The following CACNA1D variants were observed in gnomAD, a reference collection of about 807,000 sequenced individuals.
The protein encoded by CACNA1D is calcium voltage-gated channel subunit alpha1 D, also known as voltage-dependent L-type calcium channel subunit alpha-1D.
CACNA1D carries 55 observed loss-of-function variants against 257.1 expected under a neutral mutation model. That is an observed-to-expected ratio of 0.21 (90% CI 0.17 to 0.27). CACNA1D has a LOEUF of 0.27. Among genes scored for constraint, CACNA1D ranks in the 10% least tolerant of loss-of-function variants. The pLI is 1.00. For missense variants in CACNA1D, 1,876 were observed against 2,784.0 expected, an observed-to-expected ratio of 0.67 and a Z score of 7.34; for synonymous variants, 980 against 1,014.9, an observed-to-expected ratio of 0.97 and a Z score of 0.65.
intron 39 of CACNA1D, chr3:53,785,622 G>T (rs1248119089): frequency 2.0e-5 from 3 of 152,208 alleles, no homozygotes. Context: ...TAAAATAAGG[G>T]TGACTCTGAG....
At chr3:53,675,622 G>C (rs2094367919) in intron 8 of CACNA1D, among the ~76,000 whole-genome samples, 2 of 152,138 alleles carry the variant, frequency 1.3e-5, no homozygotes, top group African/African-American at 4.8e-5. Flanking sequence ...AGATGGGCGG[G>C]GGGGCTTCCC....
intron 32 of CACNA1D, among the ~76,000 whole-genome samples, chr3:53,771,023 TG>T (rs2095363436): frequency 6.6e-6 from 1 of 152,216 alleles, no homozygotes; most frequent in South Asian, 2.1e-4. Context: ...ATCCTGCACC[TG>T]GAAGGGTCAC....
chr3:53,497,567 G>A (rs1272815903), intron 2 of CACNA1D, 106 bp downstream of exon 2: 7 of 1,177,528 alleles, frequency 5.9e-6, no homozygotes, highest in African/African-American at 1.5e-5. Flanking sequence ...TCTGGAATGC[G>A]AGTAACAGAA....
chr3:53,569,258 G>A (rs1237073339), intron 3 of CACNA1D, among the ~76,000 whole-genome samples: 1 of 152,140 alleles, frequency 6.6e-6, no homozygotes, highest in African/African-American at 2.4e-5. Context: ...CTCCAGTTGA[G>A]GCCTCCCTTC....
At chr3:53,759,762 A>G (rs2095289812) in intron 29 of CACNA1D, among the ~76,000 whole-genome samples, 1 of 152,212 alleles carries the variant, frequency 6.6e-6, no homozygotes, top group Admixed American at 6.5e-5. Flanking sequence ...CACTAAGCAC[A>G]TTGATTCAGC....
At chr3:53,802,283 G>T in intron 43 of CACNA1D, 110 bp downstream of exon 43, 1 of 945,280 alleles carries the variant, frequency 1.1e-6, no homozygotes, top group Non-Finnish European at 1.8e-6. Flanking sequence ...GCCTATTAAA[G>T]GTTATCATAA....
At chr3:53,597,178 T>C (rs1036380135) in intron 3 of CACNA1D, among the ~76,000 whole-genome samples, 24 of 152,068 alleles carry the variant, frequency 1.6e-4, no homozygotes, top group African/African-American at 5.1e-4. Context: ...CAGATGGTGT[T>C]CTAGGTGTTA....
chr3:53,528,614 C>G (rs1381735682), intron 3 of CACNA1D, among the ~76,000 whole-genome samples: 1 of 152,084 alleles, frequency 6.6e-6, no homozygotes, highest in Admixed American at 6.5e-5. Context: ...ATCTATAGGT[C>G]AATTTGGGGA....
chr3:53,531,994 GCATAT>G (rs145441118), intron 3 of CACNA1D, among the ~76,000 whole-genome samples: 1 of 152,260 alleles, frequency 6.6e-6, no homozygotes, highest in Non-Finnish European at 1.5e-5. Flanking sequence ...TTTGGTCTTT[GCATAT>G]CATAGATACT....
intron 3 of CACNA1D, among the ~76,000 whole-genome samples, chr3:53,592,321 G>A (rs2093316892): frequency 6.6e-6 from 1 of 152,184 alleles, no homozygotes; most frequent in South Asian, 2.1e-4. Context: ...GAGGGGATGG[G>A]CACCCAGCCT....
intron 28 of CACNA1D, 72 bp from the exon 29 acceptor site, chr3:53,753,500 G>C: frequency 9.8e-7 from 1 of 1,017,514 alleles, no homozygotes; most frequent in Non-Finnish European, 1.6e-6. Flanking sequence ...CAGAGGGCTG[G>C]GAGCCTCCAT....
intron 3 of CACNA1D, among the ~76,000 whole-genome samples, chr3:53,534,886 G>A (rs533294952): frequency 8.5e-5 from 13 of 152,220 alleles, no homozygotes; most frequent in Non-Finnish European, 1.2e-4. Flanking sequence ...GCTCCCCCAC[G>A]GAACGTTTCT....
chr3:53,740,715 G>C (rs1214647746), intron 21 of CACNA1D, among the ~76,000 whole-genome samples: 5 of 151,368 alleles, frequency 3.3e-5, no homozygotes, highest in Non-Finnish European at 7.4e-5. Flanking sequence ...TCATGATAGT[G>C]GTTGAGAATT....
chr3:53,693,013 G>A (rs1163772628), intron 8 of CACNA1D, among the ~76,000 whole-genome samples: 1 of 152,222 alleles, frequency 6.6e-6, no homozygotes, highest in African/African-American at 2.4e-5. Context: ...CTGCACTCCA[G>A]CCTGGGCAGC....
intron 3 of CACNA1D, among the ~76,000 whole-genome samples, chr3:53,538,625 A>C (rs1165227158): frequency 1.3e-5 from 2 of 152,130 alleles, no homozygotes; most frequent in Non-Finnish European, 2.9e-5. Flanking sequence ...ACCTTCTCAC[A>C]TTGGTCCCTG....
At chr3:53,740,995 G>A (rs2095111944) in intron 21 of CACNA1D, among the ~76,000 whole-genome samples, 1 of 152,180 alleles carries the variant, frequency 6.6e-6, no homozygotes, top group Admixed American at 6.5e-5. Context: ...TTTAATGGAT[G>A]GGCTTACATT....
At chr3:53,810,954 C>T (rs2095597510) in intron 47 of CACNA1D, among the ~76,000 whole-genome samples, 159 bp from the exon 48 acceptor site, 1 of 151,994 alleles carries the variant, frequency 6.6e-6, no homozygotes, top group African/African-American at 2.4e-5. Flanking sequence ...AAGCCATTTA[C>T]ACTAGTTATT....
At chr3:53,678,842 C>G (rs899422569) in intron 8 of CACNA1D, among the ~76,000 whole-genome samples, 12 of 152,108 alleles carry the variant, frequency 7.9e-5, no homozygotes, top group African/African-American at 2.9e-4. Context: ...CTGATTTCTT[C>G]TACTTGAATG....
At chr3:53,718,820 C>T in intron 10 of CACNA1D, 1 of 1,201,346 alleles carries the variant, frequency 8.3e-7, no homozygotes. Context: ...GAGTTGCTGA[C>T]TAGAATGTGC....
Sources: gnomAD v4.1 joint callset for allele counts (sites outside exome capture counted in the v4.1 genomes callset) on GRCh38, gnomAD v4.1.1 for gene constraint, MANE v1.5 for transcripts, NCBI Gene and HGNC (gene_info 2026-07-23, HGNC 2026-07-21) for gene names.